Variants in PARM1 observed in about 807,000 individuals in gnomAD.
PARM1 encodes WSC4, cell wall integrity and stress response component 4 homolog.
A neutral mutation model predicts 24.6 loss-of-function variants in PARM1; 14 were observed. That is an observed-to-expected ratio of 0.57 (90% CI 0.38 to 0.89). The LOEUF (loss-of-function observed/expected upper bound fraction) is 0.89. Ranked by LOEUF, PARM1 falls within the 40% of genes least tolerant of loss-of-function variation. The pLI is 0.00. For missense variants in PARM1, 362 were observed against 380.4 expected (o/e 0.95, Z 0.40); for synonymous variants, 179 against 156.6 (o/e 1.14, Z -1.07).
In PARM1 at chr4:74,934,020, C is replaced by A. The variant is rs115033631; in HGVS notation, c.43+650C>A. ...CCAAAAACGTATCCCATAGAAGAAA[C>A]TATTAACTTGGCTAAACTAGCATCC... On this transcript the variant is annotated intron_variant, in intron 1 of 3. Transcript: ENST00000307428. 7.9e-3 allele frequency among the ~76,000 whole-genome samples: 1,206 copies of A among 152,250 alleles called. 8 individuals are homozygous for A. The highest frequency in any genetic ancestry group is 0.024 in the Middle Eastern group (7 of 294).
chr4:74,953,066 A>G (rs1721558620), intron 1 of PARM1, among the ~76,000 whole-genome samples: 4 of 152,222 alleles, frequency 2.6e-5, no homozygotes, highest in Admixed American at 2.6e-4. Flanking sequence ...AGCCATAATC[A>G]TATACATCCA....
At chr4:74,935,351 A>G (rs1465283379) in intron 1 of PARM1, among the ~76,000 whole-genome samples, 1 of 152,240 alleles carries the variant, frequency 6.6e-6, no homozygotes, top group African/African-American at 2.4e-5. Flanking sequence ...CTACTTTGCA[A>G]TAAATCGTCC....
intron 1 of PARM1, chr4:74,969,807 A>G (rs762644312): frequency 6.6e-6 from 1 of 152,226 alleles, no homozygotes; most frequent in Non-Finnish European, 1.5e-5. Flanking sequence ...ACTATCAGCT[A>G]TCACCCAGCA....
chr4:74,953,005 T>C (rs543997625), intron 1 of PARM1, among the ~76,000 whole-genome samples: 5 of 152,210 alleles, frequency 3.3e-5, no homozygotes, highest in Admixed American at 2.0e-4. Context: ...CTGGAGCATC[T>C]AAAATTCACT....
At chr4:75,022,127 A>G (rs1257468140) in intron 2 of PARM1, among the ~76,000 whole-genome samples, 1 of 152,170 alleles carries the variant, frequency 6.6e-6, no homozygotes, top group South Asian at 2.1e-4. Flanking sequence ...GTCTATCTTC[A>G]ACTTTTTAAT....
intron 1 of PARM1, among the ~76,000 whole-genome samples, chr4:74,943,856 A>T (rs1721359449): frequency 6.6e-6 from 1 of 152,248 alleles, no homozygotes; most frequent in South Asian, 2.1e-4. Flanking sequence ...AATTAAGATG[A>T]TGAATGGTAA....
rs148034510 is a variant in PARM1 at position 75,012,590 on chromosome 4, C to T, written c.209C>T (p.Ala70Val). The T allele has an allele frequency of 3.2e-4, 518 of 1,613,968 alleles. 2 individuals are homozygous for T. The African/African-American group carries it at 6.4e-3, about 20-fold the overall frequency. ...THNNSVLPVT[A>V]SAPTSLLPKN... is the part of the protein sequence containing the mutation. ...AACAACTCGGTGCTCCCAGTTACAG[C>T]ATCAGCCCCAACATCTCTGCTTCCT... Residue 70 changes from alanine (A) to valine (V), a missense_variant, in exon 2 of 4, where the codon GCA becomes GTA. Transcript: ENST00000307428.
At chr4:75,001,243 G>C (rs908131661) in intron 1 of PARM1, among the ~76,000 whole-genome samples, 1 of 152,134 alleles carries the variant, frequency 6.6e-6, no homozygotes, top group Non-Finnish European at 1.5e-5. Flanking sequence ...ATCATTTGTA[G>C]AATGGGAAAA....
chr4:74,971,220 A>G (rs1320921078), intron 1 of PARM1, among the ~76,000 whole-genome samples: 2 of 152,226 alleles, frequency 1.3e-5, no homozygotes, highest in Non-Finnish European at 2.9e-5. Flanking sequence ...GCGAAGGAGC[A>G]AAGGCATGTC....
intron 2 of PARM1, among the ~76,000 whole-genome samples, chr4:75,029,795 G>A (rs1723243412): frequency 6.6e-6 from 1 of 152,024 alleles, no homozygotes; most frequent in Non-Finnish European, 1.5e-5. Flanking sequence ...AGGTACTCAG[G>A]TAAGAACTGG....
intron 2 of PARM1, among the ~76,000 whole-genome samples, chr4:75,027,041 A>C (rs185517327): frequency 4.3e-4 from 65 of 152,138 alleles, no homozygotes; most frequent in African/African-American, 1.5e-3. Flanking sequence ...GTCCTGCCCC[A>C]TCCATCAGAG....
In PARM1 at chr4:75,048,862, A is replaced by C. The variant is rs1723663524; in HGVS notation, c.*2615A>C. On this transcript the variant is annotated 3_prime_UTR_variant, in exon 4 of 4. Coordinates refer to ENST00000307428, the MANE Select transcript of PARM1 (RefSeq NM_015393.4). ...TGAGAATAAAATATTTAAGGGTTGA[A>C]CCTTATTTTGCCAAATGTATCTTTT... 1 of 152,608 alleles carries C rather than the reference A, an allele frequency of 6.6e-6. No individual in the cohort carries two copies. The allele number at this position is 152,608 out of a possible 1,614,324, so 9.5% of individuals were successfully genotyped here. A position where few individuals can be genotyped will look rare whatever the true frequency, so the allele number is the denominator to read the frequency against.
rs1676826517 is a variant in PARM1, at chr4:74,933,975, A to C, written c.43+605A>C. ...AATCGTCACTGGGGGTAGCAAGGCTACCTTCTGCCCCAGAACTCCCCAAAA... is the reference window on the plus strand; with the variant it reads ...AATCGTCACTGGGGGTAGCAAGGCTCCCTTCTGCCCCAGAACTCCCCAAAA... On this transcript the variant is annotated intron_variant, in intron 1 of 3. Transcript: ENST00000307428. 2.0e-5 allele frequency among the ~76,000 whole-genome samples: 3 copies of C among 152,100 alleles called. No homozygotes were observed. The South Asian group carries it at 6.2e-4, about 32-fold the overall frequency.
intron 1 of PARM1, among the ~76,000 whole-genome samples, chr4:74,981,245 G>C (rs1419781774): frequency 6.6e-6 from 1 of 152,022 alleles, no homozygotes; most frequent in East Asian, 1.9e-4. Context: ...GAATCTACAA[G>C]GAACTTAAAC....
At chr4:74,944,691 G>A (rs1437398158) in intron 1 of PARM1, among the ~76,000 whole-genome samples, 2 of 152,204 alleles carry the variant, frequency 1.3e-5, no homozygotes, top group Non-Finnish European at 2.9e-5. Flanking sequence ...TGGCTGCTCA[G>A]CAAGTGAAAA....
At chr4:74,999,038 G>A (rs781432921) in intron 1 of PARM1, 53 of 152,154 alleles carry the variant, frequency 3.5e-4, no homozygotes, top group African/African-American at 1.2e-3. Flanking sequence ...AGAGGTACTG[G>A]GTCTCATAGA....
At chr4:75,022,305 G>C (rs1723102395) in intron 2 of PARM1, among the ~76,000 whole-genome samples, 1 of 152,084 alleles carries the variant, frequency 6.6e-6, no homozygotes, top group Non-Finnish European at 1.5e-5. Context: ...CTCATAAGGG[G>C]CTCCAGCTGT....
At chr4:74,944,839 G>A (rs1721380560) in intron 1 of PARM1, among the ~76,000 whole-genome samples, 1 of 152,140 alleles carries the variant, frequency 6.6e-6, no homozygotes, top group Admixed American at 6.5e-5. Flanking sequence ...GCTGTCTCTT[G>A]TTTCAATGAC....
intron 1 of PARM1, among the ~76,000 whole-genome samples, chr4:75,011,555 C>T (rs1722871328): frequency 6.6e-6 from 1 of 152,094 alleles, no homozygotes; most frequent in South Asian, 2.1e-4. Flanking sequence ...CAGGAGAGTA[C>T]TGGCACATAA....
Sources: allele counts gnomAD v4.1 joint callset (sites outside exome capture counted in the v4.1 genomes callset), GRCh38; gene constraint gnomAD v4.1.1; transcripts MANE v1.5; gene names NCBI Gene and HGNC (gene_info 2026-07-23, HGNC 2026-07-21).